The following TANC1 variants were observed in gnomAD, a reference collection of about 807,000 sequenced individuals.
TANC1 encodes protein TANC1.
A neutral mutation model predicts 149.7 loss-of-function variants in TANC1; 77 were observed. That is an observed-to-expected ratio of 0.51 (90% CI 0.43 to 0.62). TANC1 has a LOEUF of 0.62. TANC1 is among the 20% of genes least tolerant of loss of function. The probability of loss-of-function intolerance (pLI) is 0.00; values close to 1 mark genes in which losing one functional copy is unlikely to be tolerated. For missense variants in TANC1, 1,985 were observed against 2,321.8 expected, an observed-to-expected ratio of 0.85 and a Z score of 2.98; for synonymous variants, 854 against 925.0, an observed-to-expected ratio of 0.92 and a Z score of 1.39.
In TANC1 at chr2:159,178,663, C is replaced by A. The variant is rs758830737; in HGVS notation, c.2010C>A (p.Ser670Arg). The A allele has an allele frequency of 1.2e-6, 2 of 1,614,080 alleles. No homozygotes were observed. Among genetic ancestry groups the A allele is most frequent in the African/African-American group, 2.7e-5 (2 of 74,928 alleles). ...LHAYVQHRVH[S>R]SQDILSNISL... ...CCTACGTCCAGCACAGGGTGCACAGCAGCCAGGACATCCTCAGCAACATCT... is the reference window on the plus strand; with the variant it reads ...CCTACGTCCAGCACAGGGTGCACAGAAGCCAGGACATCCTCAGCAACATCT... The change falls in exon 14 of 27, where the codon AGC becomes AGA. Residue 670 changes from serine to arginine, a missense_variant. Ser to Arg is a moderately radical substitution (Grantham distance 110). Coordinates refer to ENST00000263635, the MANE Select transcript of TANC1 (RefSeq NM_033394.3).
intron 16 of TANC1, among the ~76,000 whole-genome samples, chr2:159,187,874 A>C (rs1440939514): frequency 6.6e-6 from 1 of 152,240 alleles, no homozygotes; most frequent in Admixed American, 6.5e-5. Flanking sequence ...TATGTTAATG[A>C]ATTTCTGGGC....
intron 3 of TANC1, among the ~76,000 whole-genome samples, chr2:159,070,644 A>T (rs1319402848): frequency 6.6e-6 from 1 of 152,244 alleles, no homozygotes; most frequent in East Asian, 1.9e-4. Context: ...AATGTGAGGC[A>T]GGTGCATATA....
chr2:159,137,788 C>CT (rs1475764483), intron 5 of TANC1, among the ~76,000 whole-genome samples: 1 of 152,198 alleles, frequency 6.6e-6, no homozygotes, highest in East Asian at 1.9e-4. Context: ...CCACCAAAGC[C>CT]TTTGTAGCCC....
chr2:159,175,677 C>T (rs1019666853), intron 12 of TANC1, among the ~76,000 whole-genome samples: 2 of 152,236 alleles, frequency 1.3e-5, no homozygotes, highest in African/African-American at 4.8e-5. Context: ...ATGGGCCCTT[C>T]AGTTTCCCAT....
intron 1 of TANC1, among the ~76,000 whole-genome samples, chr2:158,980,269 T>C (rs989199309): frequency 2.6e-5 from 4 of 152,162 alleles, no homozygotes; most frequent in Admixed American, 2.0e-4. Flanking sequence ...TCCAAACACA[T>C]TGAATTGTAG....
chr2:159,178,237 CAG>C (rs2056091150), intron 13 of TANC1, among the ~76,000 whole-genome samples: 1 of 152,242 alleles, frequency 6.6e-6, no homozygotes, highest in Non-Finnish European at 1.5e-5. Context: ...AGGTCACCTG[CAG>C]AGTCTCACTG....
chr2:159,217,673 G>A (rs763316522), intron 20 of TANC1, 43 bp downstream of exon 20: 2 of 1,607,502 alleles, frequency 1.2e-6, no homozygotes, highest in Non-Finnish European at 1.7e-6. Flanking sequence ...AATGAGTGGG[G>A]ATGGAGTTCA....
chr2:159,159,997 A>G (rs2053880947), intron 7 of TANC1, among the ~76,000 whole-genome samples: 1 of 152,182 alleles, frequency 6.6e-6, no homozygotes, highest in Non-Finnish European at 1.5e-5. Flanking sequence ...ATTATTCAAA[A>G]AAAAGAAAAG....
In TANC1 at chr2:158,984,024, C is replaced by A. The variant is rs151107151; in HGVS notation, c.-126+15242C>A. Among the ~76,000 whole-genome samples, 5 of 152,276 alleles carry A rather than the reference C, an allele frequency of 3.3e-5. No individual in the cohort carries two copies. The East Asian group carries it at 7.7e-4, about 24-fold the overall frequency. On this transcript the variant is annotated intron_variant, in intron 1 of 26. Coordinates refer to ENST00000263635, the MANE Select transcript of TANC1 (RefSeq NM_033394.3). The stretch of plus-strand genomic sequence containing the variant: ...CTTGGGACTTTGGCTTTGAATCTGG[C>A]TTGGACAAGAAAAGATCTCAGCCAG...
At chr2:159,029,495 A>G (rs182569746) in intron 2 of TANC1, among the ~76,000 whole-genome samples, 3 of 152,316 alleles carry the variant, frequency 2.0e-5, no homozygotes, top group African/African-American at 7.2e-5. Flanking sequence ...TTTGAAACCA[A>G]GTGTCCATAT....
intron 4 of TANC1, among the ~76,000 whole-genome samples, chr2:159,119,664 C>T (rs112210547): frequency 1.2e-3 from 181 of 152,246 alleles, no homozygotes; most frequent in African/African-American, 3.9e-3. Flanking sequence ...AAGTCAGATG[C>T]GGTAGCTGAG....
intron 3 of TANC1, among the ~76,000 whole-genome samples, chr2:159,078,746 T>G (rs1039461748): frequency 6.6e-6 from 1 of 152,190 alleles, no homozygotes; most frequent in Non-Finnish European, 1.5e-5. Context: ...AGCAGCATCT[T>G]AAGGGTGAAT....
At chr2:159,121,363 C>A (rs928920910) in intron 4 of TANC1, among the ~76,000 whole-genome samples, 18 of 152,334 alleles carry the variant, frequency 1.2e-4, no homozygotes, top group African/African-American at 4.3e-4. Flanking sequence ...GACGGACTCC[C>A]ACCCTTATCG....
At chr2:159,164,832 A>G (rs1253509713) in intron 8 of TANC1, among the ~76,000 whole-genome samples, 1 of 152,162 alleles carries the variant, frequency 6.6e-6, no homozygotes, top group East Asian at 1.9e-4. Context: ...ACTCTAATTC[A>G]CTTTCAAAGG....
intron 8 of TANC1, among the ~76,000 whole-genome samples, chr2:159,165,453 C>T (rs548215662): frequency 4.0e-4 from 61 of 152,246 alleles, no homozygotes; most frequent in Admixed American, 1.5e-3. Context: ...TTTGAAAGGA[C>T]GTGAGCAAAG....
intron 5 of TANC1, among the ~76,000 whole-genome samples, chr2:159,147,321 C>T (rs1465678836): frequency 6.6e-6 from 1 of 152,166 alleles, no homozygotes; most frequent in Non-Finnish European, 1.5e-5. Flanking sequence ...GAGATCTGCC[C>T]CCTCACCCAC....
chr2:159,178,665 G>A lies in TANC1; in HGVS notation c.2012G>A (p.Ser671Asn), dbSNP rs1401945233. 1 of 1,614,076 alleles carries A rather than the reference G, an allele frequency of 6.2e-7. No individual in the cohort carries two copies. Among genetic ancestry groups the A allele is most frequent in the African/African-American group, 1.3e-5 (1 of 74,932 alleles). Residue 671 changes from serine (S) to asparagine (N), a missense_variant, in exon 14 of 27, where the codon AGC (serine) becomes AAC (asparagine). Physicochemically the swap from Ser to Asn is conservative, Grantham distance 46. This residue lies in a region of TANC1 where 508 missense variants were observed against 714.2 expected (regional missense o/e 0.71). Transcript: ENST00000263635. ...TACGTCCAGCACAGGGTGCACAGCA[G>A]CCAGGACATCCTCAGCAACATCTCC... ...HAYVQHRVHS[S>N]QDILSNISLN...
intron 11 of TANC1, among the ~76,000 whole-genome samples, 157 bp from the exon 12 acceptor site, chr2:159,174,796 A>T (rs974145296): frequency 1.3e-5 from 2 of 152,250 alleles, no homozygotes; most frequent in African/African-American, 4.8e-5. Context: ...AGGAAGGAAT[A>T]AATGGAACAA....
chr2:159,051,647 G>GTGTT (rs1227242429), intron 2 of TANC1, among the ~76,000 whole-genome samples: 37 of 106,408 alleles, frequency 3.5e-4, no homozygotes, highest in African/African-American at 1.3e-3. Flanking sequence ...AGTTGAAGTG[G>GTGTT]TGTTTGTGTG....
Sources: allele counts gnomAD v4.1 joint callset (sites outside exome capture counted in the v4.1 genomes callset), GRCh38; gene constraint gnomAD v4.1.1; regional missense constraint gnomAD v4.1.1; transcripts MANE v1.5; gene names NCBI Gene and HGNC (gene_info 2026-07-23, HGNC 2026-07-21).